Variants in RBFOX1 observed in about 807,000 individuals in gnomAD.
RBFOX1 encodes the protein RNA binding fox-1 homolog 1.
In RBFOX1, 8 loss-of-function variants were observed where a neutral mutation model predicts 57.7. The observed-to-expected ratio is 0.14, with a 90% CI of 0.08 to 0.25. The LOEUF is 0.25. RBFOX1 is among the 10% of genes least tolerant of loss of function. The pLI is 1.00. For missense variants in RBFOX1, 611 were observed against 548.5 expected, an observed-to-expected ratio of 1.11 and a Z score of -1.14; for synonymous variants, 326 against 222.4, an observed-to-expected ratio of 1.47 and a Z score of -4.15.
At chr16:5,464,915 A>T (rs1437925287) in intron 1 of RBFOX1, among the ~76,000 whole-genome samples, 1 of 152,078 alleles carries the variant, frequency 6.6e-6, no homozygotes, top group Non-Finnish European at 1.5e-5. Flanking sequence ...CTGTGTGCAG[A>T]CCCTGGTCTG....
intron 1 of RBFOX1, among the ~76,000 whole-genome samples, chr16:5,415,127 C>G (rs1304188477): frequency 6.6e-6 from 1 of 152,172 alleles, no homozygotes; most frequent in Non-Finnish European, 1.5e-5. Context: ...CTTTCTCACG[C>G]TGTTCTAAAG....
intron 4 of RBFOX1, among the ~76,000 whole-genome samples, chr16:7,176,293 C>G (rs1425261902): frequency 6.6e-6 from 1 of 151,072 alleles, no homozygotes; most frequent in East Asian, 2.0e-4. Context: ...CACCATTTTG[C>G]ATTTCTTTAG....
At chr16:6,064,288 G>C (rs1390963716) in intron 1 of RBFOX1, among the ~76,000 whole-genome samples, 1 of 152,100 alleles carries the variant, frequency 6.6e-6, no homozygotes, top group Non-Finnish European at 1.5e-5. Context: ...TATAATTTTA[G>C]CTACAGTGGA....
At chr16:6,520,668 G>C (rs962941989) in intron 2 of RBFOX1, among the ~76,000 whole-genome samples, 2 of 152,192 alleles carry the variant, frequency 1.3e-5, no homozygotes, top group African/African-American at 2.4e-5. Flanking sequence ...ACCCAGGACA[G>C]TTCTGCAGGG....
chr16:5,398,389 A>C (rs2066622343), intron 1 of RBFOX1, among the ~76,000 whole-genome samples: 1 of 151,738 alleles, frequency 6.6e-6, no homozygotes, highest in African/African-American at 2.4e-5. Context: ...GTGTGTATGC[A>C]TGTGAGGGTG....
At position 5,373,502 on chromosome 16, in the gene RBFOX1, C is replaced by A. The variant is rs145365835; in HGVS notation, c.220-93714C>A. On this transcript the variant is annotated intron_variant, in intron 1 of 2. Transcript: ENST00000585867. ...TCCTCCTCTGCCCATGTAAGACGCACCTGTTCCCTCTTTGCCTTCCACCCC... is the reference window on the plus strand; with the variant it reads ...TCCTCCTCTGCCCATGTAAGACGCAACTGTTCCCTCTTTGCCTTCCACCCC... Among the ~76,000 whole-genome samples, 37 of 152,264 alleles carry A rather than the reference C, an allele frequency of 2.4e-4. No individual in the cohort carries two copies. In the East Asian group the frequency reaches 7.1e-3, roughly 29 times the overall value.
At chr16:6,531,324 C>G (rs183058267) in intron 2 of RBFOX1, among the ~76,000 whole-genome samples, 1 of 152,138 alleles carries the variant, frequency 6.6e-6, no homozygotes, top group Non-Finnish European at 1.5e-5. Context: ...TTTGCAGGTA[C>G]TTCACTTAGC....
intron 4 of RBFOX1, among the ~76,000 whole-genome samples, chr16:7,501,050 C>G (rs1342131144): frequency 1.3e-5 from 2 of 152,174 alleles, no homozygotes; most frequent in African/African-American, 2.4e-5. Context: ...TTCCTGAGGC[C>G]TCTCCAGCCA....
At chr16:5,347,949 C>A (rs1418082037) in intron 1 of RBFOX1, among the ~76,000 whole-genome samples, 1 of 139,622 alleles carries the variant, frequency 7.2e-6, no homozygotes, top group Non-Finnish European at 1.5e-5. Flanking sequence ...ATCATGCACT[C>A]ATTCACCCAT....
chr16:6,247,635 C>G (rs559683311), intron 1 of RBFOX1, among the ~76,000 whole-genome samples: 2 of 152,110 alleles, frequency 1.3e-5, no homozygotes, highest in Non-Finnish European at 2.9e-5. Flanking sequence ...TAGTTATTAT[C>G]TCTGTATCAG....
chr16:7,241,519 T>G, intron 4 of RBFOX1, among the ~76,000 whole-genome samples: 1 of 152,224 alleles, frequency 6.6e-6, no homozygotes. Flanking sequence ...TTATTAAAAT[T>G]TCACAGCAAA....
chr16:7,681,487 T>G (rs2074734143), intron 14 of RBFOX1, among the ~76,000 whole-genome samples: 1 of 152,120 alleles, frequency 6.6e-6, no homozygotes, highest in Non-Finnish European at 1.5e-5. Context: ...TCAGATTAAG[T>G]AGTAGAGAAA....
chr16:7,228,350 T>G (rs985228880), intron 4 of RBFOX1, among the ~76,000 whole-genome samples: 1 of 152,202 alleles, frequency 6.6e-6, no homozygotes, highest in Admixed American at 6.5e-5. Context: ...CCTTTTTATC[T>G]TCTCCTACTA....
intron 3 of RBFOX1, among the ~76,000 whole-genome samples, chr16:6,839,939 G>C (rs529278474): frequency 6.6e-6 from 1 of 152,096 alleles, no homozygotes; most frequent in South Asian, 2.1e-4. Flanking sequence ...TTGCTTTAAC[G>C]TATGATGAGC....
At chr16:6,451,086 C>A (rs1002100536) in intron 2 of RBFOX1, among the ~76,000 whole-genome samples, 1 of 151,140 alleles carries the variant, frequency 6.6e-6, no homozygotes, top group Non-Finnish European at 1.5e-5. Context: ...TCAGTTACCC[C>A]GATGTCCACT....
At chr16:7,610,118 C>CTTTTTTGTTTTTTTTT (rs2057157306) in intron 10 of RBFOX1, among the ~76,000 whole-genome samples, 1 of 65,622 alleles carries the variant, frequency 1.5e-5, no homozygotes, top group African/African-American at 8.0e-5. Context: ...GCCCGGCCCC[C>CTTTTTTGTTTTTTTTT]TTTTTTTTTT....
In RBFOX1 at chr16:6,919,720, G is replaced by C. The variant is rs144229897; in HGVS notation, c.-15-132337G>C. On this transcript the variant is annotated intron_variant, in intron 3 of 15. Transcript: ENST00000550418. ...CAGCACTGATATATTGTATGTTATA[G>C]ATAAGGAGAAAAATTTCCAGGAGGC... Among the ~76,000 whole-genome samples, 383 of 149,644 alleles carry C rather than the reference G, an allele frequency of 2.6e-3. 4 individuals carry two copies. Among genetic ancestry groups the C allele is most frequent in the Admixed American group, 0.019 (282 of 15,008 alleles).
intron 3 of RBFOX1, among the ~76,000 whole-genome samples, chr16:6,740,100 A>G (rs755622208): frequency 2.6e-5 from 4 of 152,248 alleles, no homozygotes; most frequent in Non-Finnish European, 4.4e-5. Flanking sequence ...CAGTAATACA[A>G]TACTAATTCA....
At chr16:5,935,789 TC>T (rs2059155931) in intron 4 of RBFOX1, among the ~76,000 whole-genome samples, 1 of 152,210 alleles carries the variant, frequency 6.6e-6, no homozygotes, top group South Asian at 2.1e-4. Flanking sequence ...AATTCAAGTC[TC>T]CACATCCAAT....
Sources: gnomAD v4.1 joint callset for allele counts (sites outside exome capture counted in the v4.1 genomes callset) on GRCh38, gnomAD v4.1.1 for gene constraint, MANE v1.5 for transcripts, NCBI Gene and HGNC (gene_info 2026-07-23, HGNC 2026-07-21) for gene names.